The following ATP9B variants were observed in gnomAD, a reference collection of about 807,000 sequenced individuals.
ATP9B encodes ATPase phospholipid transporting 9B.
In ATP9B, 110 loss-of-function variants were observed where a neutral mutation model predicts 146.1. That is an observed-to-expected ratio of 0.75 (90% CI 0.65 to 0.88). The LOEUF is 0.88. Among genes scored for constraint, ATP9B ranks in the 40% least tolerant of loss-of-function variants. The pLI is 0.00. For synonymous variants in ATP9B, 604 were observed against 569.7 expected (o/e 1.06, Z -0.86); for missense variants, 1,499 against 1,496.4 (o/e 1.00, Z -0.03).
chr18:79,304,165 C>T (rs1334697158), intron 14 of ATP9B, among the ~76,000 whole-genome samples: 6 of 152,028 alleles, frequency 3.9e-5, no homozygotes, highest in Admixed American at 3.9e-4. Context: ...ATTCACCTAC[C>T]TGTCATCAGT....
At chr18:79,260,468 A>G (rs1336287719) in intron 12 of ATP9B, among the ~76,000 whole-genome samples, 2 of 152,174 alleles carry the variant, frequency 1.3e-5, no homozygotes, top group Admixed American at 6.5e-5. Flanking sequence ...GGGGCTGACT[A>G]AAGGATCTAC....
intron 3 of ATP9B, among the ~76,000 whole-genome samples, 172 bp from the exon 4 acceptor site, chr18:79,113,069 T>TA (rs1459304122): frequency 1.3e-5 from 2 of 152,218 alleles, no homozygotes; most frequent in African/African-American, 4.8e-5. Flanking sequence ...TTCTTTGTGA[T>TA]ACAGCTATTA....
chr18:79,103,340 C>T (rs1284708768), intron 2 of ATP9B, among the ~76,000 whole-genome samples: 3 of 148,112 alleles, frequency 2.0e-5, no homozygotes, highest in African/African-American at 7.5e-5. Flanking sequence ...GAGAAGTGGT[C>T]TAATACATAG....
At chr18:79,317,518 A>G (rs928060670) in intron 15 of ATP9B, among the ~76,000 whole-genome samples, 6 of 152,232 alleles carry the variant, frequency 3.9e-5, no homozygotes, top group Non-Finnish European at 8.8e-5. Context: ...CAAAAGAGAT[A>G]TGAATATTGA....
chr18:79,200,034 C>A (rs896752703), intron 9 of ATP9B, among the ~76,000 whole-genome samples: 1 of 152,202 alleles, frequency 6.6e-6, no homozygotes, highest in Non-Finnish European at 1.5e-5. Context: ...TATAGTAACA[C>A]ATAAACTAGT....
At chr18:79,287,120 ATGC>A (rs1028655988) in intron 13 of ATP9B, among the ~76,000 whole-genome samples, 12 of 152,208 alleles carry the variant, frequency 7.9e-5, no homozygotes, top group African/African-American at 2.7e-4. Context: ...TATCAGGATG[ATGC>A]TGGCCTCATA....
intron 6 of ATP9B, among the ~76,000 whole-genome samples, chr18:79,151,700 T>G (rs978912245): frequency 2.0e-5 from 3 of 152,142 alleles, no homozygotes; most frequent in Non-Finnish European, 4.4e-5. Context: ...CTTTTAAAAT[T>G]AGCATTTCTG....
chr18:79,187,810 G>A (rs935330202), intron 8 of ATP9B, among the ~76,000 whole-genome samples: 2 of 152,036 alleles, frequency 1.3e-5, no homozygotes, highest in African/African-American at 4.8e-5. Flanking sequence ...AAATTTGTAT[G>A]GTAATGACTC....
intron 17 of ATP9B, among the ~76,000 whole-genome samples, chr18:79,334,524 G>A (rs1341933957): frequency 6.6e-6 from 1 of 152,104 alleles, no homozygotes; most frequent in Non-Finnish European, 1.5e-5. Flanking sequence ...GGGCCTCTCT[G>A]TATCCCTGGA....
intron 9 of ATP9B, among the ~76,000 whole-genome samples, chr18:79,203,714 A>T (rs909922315): frequency 4.6e-5 from 7 of 152,234 alleles, no homozygotes; most frequent in Non-Finnish European, 1.0e-4. Context: ...TAAATAGGGA[A>T]TTCAGTATTT....
At chr18:79,325,673 G>T (rs1484787374) in intron 15 of ATP9B, among the ~76,000 whole-genome samples, 1 of 152,112 alleles carries the variant, frequency 6.6e-6, no homozygotes, top group Non-Finnish European at 1.5e-5. Context: ...GTCAGTGGCA[G>T]TGGCACCTGG....
chr18:79,371,606 A>G (rs983116569), intron 26 of ATP9B, among the ~76,000 whole-genome samples: 5 of 152,220 alleles, frequency 3.3e-5, no homozygotes, highest in Admixed American at 2.6e-4. Flanking sequence ...CTGCAGGAAT[A>G]TAGCCGCATT....
At chr18:79,322,103 T>G (rs1048018908) in intron 15 of ATP9B, among the ~76,000 whole-genome samples, 2 of 152,138 alleles carry the variant, frequency 1.3e-5, no homozygotes, top group African/African-American at 4.8e-5. Flanking sequence ...GACCCCCACG[T>G]GCCTTTTTTG....
rs576738482 is a variant in ATP9B, at chr18:79,210,340, A to G, written c.1030+3328A>G. Among the ~76,000 whole-genome samples, 8 of 152,302 alleles carry G rather than the reference A, an allele frequency of 5.3e-5. No homozygotes were observed. The South Asian group carries it at 1.5e-3, about 28-fold the overall frequency. On this transcript the variant is annotated intron_variant, in intron 10 of 29. Transcript: ENST00000426216. ...AGTGTGACGGGGCTGTCAGAGGGCAATCCCTGGCCATGTGGACCCACGCCT... is the reference window on the plus strand; with the variant it reads ...AGTGTGACGGGGCTGTCAGAGGGCAGTCCCTGGCCATGTGGACCCACGCCT...
intron 9 of ATP9B, among the ~76,000 whole-genome samples, chr18:79,197,666 G>C (rs1450798683): frequency 6.6e-6 from 1 of 152,058 alleles, no homozygotes; most frequent in East Asian, 1.9e-4. Flanking sequence ...AGGTGATGAA[G>C]TTAGATGCTA....
At chr18:79,231,352 C>T (rs1187568865) in intron 11 of ATP9B, among the ~76,000 whole-genome samples, 2 of 152,000 alleles carry the variant, frequency 1.3e-5, no homozygotes, top group African/African-American at 4.8e-5. Flanking sequence ...ATGGACAATT[C>T]TGAAAAGAAG....
At chr18:79,277,286 T>C (rs1231076739) in intron 13 of ATP9B, 90 bp downstream of exon 13, 1 of 1,458,556 alleles carries the variant, frequency 6.9e-7, no homozygotes, top group Non-Finnish European at 9.4e-7. Flanking sequence ...TTTATGTGTA[T>C]GTATATATGT....
intron 12 of ATP9B, among the ~76,000 whole-genome samples, chr18:79,255,669 C>A (rs1599328165): frequency 6.6e-6 from 1 of 152,216 alleles, no homozygotes; most frequent in Non-Finnish European, 1.5e-5. Context: ...CTGCAGTGAG[C>A]CCCTCCTGAC....
chr18:79,228,020 T>A (rs1229339146), intron 11 of ATP9B, among the ~76,000 whole-genome samples: 7 of 148,290 alleles, frequency 4.7e-5, no homozygotes, highest in Non-Finnish European at 7.6e-5. Context: ...GACAAAAACA[T>A]TAGGCATTTG....
Sources: allele counts gnomAD v4.1 joint callset (sites outside exome capture counted in the v4.1 genomes callset), GRCh38; gene constraint gnomAD v4.1.1; transcripts MANE v1.5; gene names NCBI Gene and HGNC (gene_info 2026-07-23, HGNC 2026-07-21).